TIAM1: variants seen among roughly 807,000 people sequenced by gnomAD.
The protein encoded by TIAM1 is rho guanine nucleotide exchange factor TIAM1.
Under a neutral mutation model 163.5 loss-of-function variants are expected in TIAM1, and 65 were observed. The ratio of observed to expected loss-of-function variants is 0.40; its 90% CI spans 0.33 to 0.49. The LOEUF is 0.49. Ranked by LOEUF, TIAM1 falls within the 20% of genes least tolerant of loss-of-function variation. TIAM1 has a pLI of 0.77. For synonymous variants in TIAM1, 833 were observed against 810.1 expected, an observed-to-expected ratio of 1.03 and a Z score of -0.48; for missense variants, 1,789 against 2,044.7, an observed-to-expected ratio of 0.87 and a Z score of 2.41.
At chr21:31,223,333 ACT>A in intron 8 of TIAM1, 71 bp downstream of exon 8, 1 of 1,469,920 alleles carries the variant, frequency 6.8e-7, no homozygotes, top group Non-Finnish European at 9.1e-7. Flanking sequence ...CACTTAGGAG[ACT>A]CTTGTCAAGT....
intron 4 of TIAM1, among the ~76,000 whole-genome samples, chr21:31,265,772 T>TATCACATCGCCACTCCC (rs1427267236): frequency 1.3e-5 from 2 of 152,138 alleles, no homozygotes; most frequent in African/African-American, 4.8e-5. Flanking sequence ...TTCCCACTCC[T>TATCACATCGCCACTCCC]ATCACATCGC....
intron 8 of TIAM1, among the ~76,000 whole-genome samples, chr21:31,222,618 C>T: frequency 7.4e-6 from 1 of 135,274 alleles, no homozygotes; most frequent in East Asian, 2.3e-4. Context: ...GATCTGTGTT[C>T]CATATATGGT....
intron 2 of TIAM1, among the ~76,000 whole-genome samples, chr21:31,280,083 C>T (rs1193984924): frequency 1.3e-5 from 2 of 152,180 alleles, no homozygotes; most frequent in Non-Finnish European, 2.9e-5. Flanking sequence ...ACCAGTAGGC[C>T]TGCTTACATT....
At chr21:31,536,679 G>T (rs1301267912) in intron 1 of TIAM1, among the ~76,000 whole-genome samples, 1 of 152,220 alleles carries the variant, frequency 6.6e-6, no homozygotes, top group Non-Finnish European at 1.5e-5. Context: ...GGGTGAGCAA[G>T]GAGTGAGGAG....
intron 4 of TIAM1, among the ~76,000 whole-genome samples, chr21:31,258,060 C>T (rs1165315596): frequency 2.0e-5 from 3 of 151,866 alleles, no homozygotes; most frequent in South Asian, 4.2e-4. Context: ...AGAAATTGCC[C>T]CCCACATCCC....
intron 10 of TIAM1, among the ~76,000 whole-genome samples, chr21:31,210,597 AGAAAGAAGGAAGGAAGGG>A (rs2086703366): frequency 6.9e-5 from 8 of 115,152 alleles, no homozygotes; most frequent in African/African-American, 3.1e-4. Context: ...AAAGAAAGAG[AGAAAGAAGGAAGGAAGGG>A]AGAAAGAAAG....
chr21:31,324,409 G>A (rs562254298), intron 2 of TIAM1, among the ~76,000 whole-genome samples: 1 of 152,262 alleles, frequency 6.6e-6, no homozygotes, highest in Admixed American at 6.5e-5. Flanking sequence ...GTCCATGATG[G>A]TGATAACAAC....
rs746823412 is a variant in TIAM1, at chr21:31,395,256, G to A, written c.-368-55834C>T. Among the ~76,000 whole-genome samples, 1 of 151,700 alleles carries A rather than the reference G, an allele frequency of 6.6e-6. No individual in the cohort carries two copies. Among genetic ancestry groups the A allele is most frequent in the African/African-American group, 2.4e-5 (1 of 41,324 alleles). ...CTGTCTCAAAAAAAAAAAAGAGGAG[G>A]TGGGGGGAGAACAAAACTAGTAATT... On this transcript the variant is annotated intron_variant, in intron 2 of 28. Coordinates refer to the TIAM1 transcript ENST00000286827. The surrounding 1 kb of genome is among the most constrained non-coding windows in gnomAD (Gnocchi z 7.5).
At chr21:31,535,471 G>A (rs1183168898) in intron 1 of TIAM1, among the ~76,000 whole-genome samples, 2 of 147,182 alleles carry the variant, frequency 1.4e-5, no homozygotes, top group Non-Finnish European at 3.0e-5. Context: ...TAAAGCACAT[G>A]CAAATGGGCT....
At chr21:31,441,562 C>T (rs886149293) in intron 2 of TIAM1, among the ~76,000 whole-genome samples, 1 of 152,130 alleles carries the variant, frequency 6.6e-6, no homozygotes, top group Non-Finnish European at 1.5e-5. Flanking sequence ...CTGGAATCAC[C>T]ATTTGGTAAA....
At chr21:31,231,958 G>A (rs2088464189) in intron 6 of TIAM1, among the ~76,000 whole-genome samples, 2 of 151,930 alleles carry the variant, frequency 1.3e-5, no homozygotes, top group South Asian at 4.1e-4. Flanking sequence ...GTTGTAGTGA[G>A]CTGAGATTAT....
chr21:31,213,596 C>T (rs139007872), intron 9 of TIAM1, 124 bp from the exon 10 acceptor site: 2 of 760,294 alleles, frequency 2.6e-6, no homozygotes, highest in African/African-American at 1.8e-5. Context: ...GATACTCCTA[C>T]ATCAAATCCC....
chr21:31,321,588 T>C (rs979944938), intron 2 of TIAM1, among the ~76,000 whole-genome samples: 1 of 151,152 alleles, frequency 6.6e-6, no homozygotes, highest in African/African-American at 2.4e-5. Flanking sequence ...TGACCTCAGG[T>C]GATCCACCTG....
chr21:31,311,062 T>C (rs2074907044), intron 2 of TIAM1, among the ~76,000 whole-genome samples: 1 of 152,140 alleles, frequency 6.6e-6, no homozygotes, highest in Non-Finnish European at 1.5e-5. Flanking sequence ...TCTCACGATA[T>C]GTAAATAATG....
chr21:31,526,287 C>A (rs1028657934), intron 1 of TIAM1, among the ~76,000 whole-genome samples: 1 of 152,132 alleles, frequency 6.6e-6, no homozygotes, highest in Admixed American at 6.5e-5. Context: ...TGGAAGGCAG[C>A]GGGAAGCAAG....
At chr21:31,339,493 T>C (rs560346308) in intron 1 of TIAM1, 71 bp from the exon 2 acceptor site, 100 of 398,338 alleles carry the variant, frequency 2.5e-4, no homozygotes, top group African/African-American at 1.5e-3. Context: ...ATTGCAAGAT[T>C]ATCCTCAGAA....
chr21:31,182,450 C>T lies in TIAM1; in HGVS notation c.2858G>A (p.Ser953Asn), dbSNP rs369626434. The T allele has an allele frequency of 2.1e-5, 34 of 1,595,030 alleles. No homozygotes were observed. The Middle Eastern group carries it at 5.1e-4, about 24-fold the overall frequency. Reference protein sequence around the residue: ...RVDGPADLGESPLAFLTSNPG... With the variant: ...RVDGPADLGENPLAFLTSNPG... ...GTTGCTGGTGAGAAAGGCGAGGGGG[C>T]TCTCGCCAAGGTCGGCAGGGCCGTC... Residue 953 changes from serine to asparagine, a missense_variant, in exon 15 of 28, where the codon AGC (serine) becomes AAC (asparagine). By Grantham distance (46) the Ser-to-Asn change is conservative. This residue lies in a region of TIAM1 where 303 missense variants were observed against 321.3 expected (regional missense o/e 0.94). Transcript: ENST00000541036.
At chr21:31,251,036 A>C (rs936490443) in intron 5 of TIAM1, among the ~76,000 whole-genome samples, 1 of 152,238 alleles carries the variant, frequency 6.6e-6, no homozygotes, top group Non-Finnish European at 1.5e-5. Flanking sequence ...AATCCTATGA[A>C]ATTAACATTA....
At chr21:31,529,242 A>G (rs1180562648) in intron 1 of TIAM1, among the ~76,000 whole-genome samples, 2 of 151,986 alleles carry the variant, frequency 1.3e-5, no homozygotes. Flanking sequence ...ATTCTTTCAA[A>G]CAGATACTTG....
Sources: allele counts gnomAD v4.1 joint callset (sites outside exome capture counted in the v4.1 genomes callset), GRCh38; gene constraint gnomAD v4.1.1; regional missense constraint gnomAD v4.1.1; non-coding constraint Gnocchi (gnomAD v3.1); transcripts MANE v1.5; gene names NCBI Gene and HGNC (gene_info 2026-07-23, HGNC 2026-07-21).